PTPRM: variants seen among roughly 807,000 people sequenced by gnomAD.
The protein encoded by PTPRM is protein tyrosine phosphatase receptor type M, also known as receptor-type tyrosine-protein phosphatase mu.
PTPRM carries 47 observed loss-of-function variants against 186.7 expected under a neutral mutation model. The ratio of observed to expected loss-of-function variants is 0.25; its 90% CI spans 0.20 to 0.32. The LOEUF is 0.32. Ranked by LOEUF, PTPRM falls within the 10% of genes least tolerant of loss-of-function variation. The pLI, the probability that PTPRM is intolerant of heterozygous loss-of-function variation, is 1.00. For synonymous variants in PTPRM, 668 were observed against 674.9 expected, an observed-to-expected ratio of 0.99 and a Z score of 0.16; for missense variants, 1,494 against 1,865.0, an observed-to-expected ratio of 0.80 and a Z score of 3.66.
intron 7 of PTPRM, among the ~76,000 whole-genome samples, chr18:8,022,531 T>C (rs796982856): frequency 6.6e-6 from 1 of 152,198 alleles, no homozygotes; most frequent in South Asian, 2.1e-4. Context: ...TGAAGGGATC[T>C]CTGAAGATCA....
chr18:8,223,011 G>T (rs2094171856), intron 14 of PTPRM, among the ~76,000 whole-genome samples: 1 of 152,072 alleles, frequency 6.6e-6, no homozygotes, highest in African/African-American at 2.4e-5. Context: ...TCACCCTGAG[G>T]TCAGGAGTTC....
At chr18:8,260,388 T>C (rs962571154) in intron 19 of PTPRM, among the ~76,000 whole-genome samples, 14 of 152,068 alleles carry the variant, frequency 9.2e-5, no homozygotes, top group Non-Finnish European at 1.5e-5. Flanking sequence ...CGTCTTGAAC[T>C]CCTGGACTCA....
rs1433479777 is a variant in PTPRM at position 8,159,348 on chromosome 18, A to G, written c.2300+15569A>G. ...ATGTTCTTATCATTGTTATATTCAT[A>G]TGTGCCGTTTGCTTATGGCACTGCT... On this transcript the variant is annotated intron_variant, in intron 14 of 32. Coordinates refer to ENST00000580170, the MANE Select transcript of PTPRM (RefSeq NM_001105244.2). Among the ~76,000 whole-genome samples the G allele has an allele frequency of 2.0e-5, 3 of 152,208 alleles. No individual in the cohort carries two copies. The East Asian group carries it at 5.8e-4, about 29-fold the overall frequency.
chr18:7,691,135 C>A (rs1224599865), intron 1 of PTPRM, among the ~76,000 whole-genome samples: 1 of 151,644 alleles, frequency 6.6e-6, no homozygotes, highest in Non-Finnish European at 1.5e-5. Flanking sequence ...ATTTTTAAGA[C>A]CTTGCATTAT....
intron 14 of PTPRM, among the ~76,000 whole-genome samples, chr18:8,167,295 A>G (rs1428311344): frequency 1.3e-5 from 2 of 152,200 alleles, no homozygotes; most frequent in African/African-American, 2.4e-5. Context: ...CCTATCTGGT[A>G]CCACATGGCA....
chr18:8,245,376 G>A (rs2094468245), intron 15 of PTPRM, among the ~76,000 whole-genome samples: 1 of 152,028 alleles, frequency 6.6e-6, no homozygotes, highest in Non-Finnish European at 1.5e-5. Flanking sequence ...GTGCTGCTTT[G>A]GCACCAATGG....
intron 1 of PTPRM, among the ~76,000 whole-genome samples, chr18:7,593,801 T>G (rs2037185385): frequency 6.6e-6 from 1 of 152,220 alleles, no homozygotes; most frequent in South Asian, 2.1e-4. Context: ...TTTACAGATT[T>G]CAGCTTGCCT....
intron 1 of PTPRM, among the ~76,000 whole-genome samples, chr18:7,581,597 A>G (rs1020920417): frequency 6.6e-6 from 1 of 151,562 alleles, no homozygotes; most frequent in Admixed American, 6.6e-5. Flanking sequence ...ATTAGTTTCA[A>G]ATCTCATCAT....
chr18:7,910,056 T>C lies in PTPRM; in HGVS notation c.547+3473T>C, dbSNP rs1446287117. Among the ~76,000 whole-genome samples, 4 of 152,232 alleles carry C rather than the reference T, an allele frequency of 2.6e-5. No individual in the cohort carries two copies. In the East Asian group the frequency reaches 7.7e-4, roughly 29 times the overall value. On this transcript the variant is annotated intron_variant, in intron 4 of 32. Coordinates refer to ENST00000580170, the MANE Select transcript of PTPRM (RefSeq NM_001105244.2). The stretch of plus-strand genomic sequence containing the variant: ...ACATTATGAGCTGTGCATATATGGG[T>C]ATTTCTCTTATTACCTTCTGGTGCT...
chr18:7,664,732 C>G (rs776669077), intron 1 of PTPRM, among the ~76,000 whole-genome samples: 66 of 152,124 alleles, frequency 4.3e-4, no homozygotes, highest in Admixed American at 9.8e-4. Flanking sequence ...TGACATAACT[C>G]TTTTGTTGAG....
intron 23 of PTPRM, among the ~76,000 whole-genome samples, chr18:8,348,295 G>A (rs2095516318): frequency 6.6e-6 from 1 of 152,236 alleles, no homozygotes; most frequent in African/African-American, 2.4e-5. Flanking sequence ...GCATTAGGCG[G>A]CCCTAATTGC....
intron 14 of PTPRM, among the ~76,000 whole-genome samples, chr18:8,146,363 G>T (rs1056836632): frequency 6.6e-6 from 1 of 152,022 alleles, no homozygotes; most frequent in Admixed American, 6.6e-5. Context: ...GCATAATATG[G>T]TATCTCATTG....
At chr18:8,175,997 G>C (rs1601015708) in intron 14 of PTPRM, among the ~76,000 whole-genome samples, 1 of 152,306 alleles carries the variant, frequency 6.6e-6, no homozygotes, top group African/African-American at 2.4e-5. Context: ...AAGTGGTTCA[G>C]AAAGCAGCAT....
At chr18:8,192,733 A>G (rs1010746146) in intron 14 of PTPRM, among the ~76,000 whole-genome samples, 4 of 152,238 alleles carry the variant, frequency 2.6e-5, no homozygotes, top group Admixed American at 1.3e-4. Context: ...GGCCAATATA[A>G]GATCTAATAA....
chr18:8,163,207 AT>A (rs2093263600), intron 14 of PTPRM, among the ~76,000 whole-genome samples: 1 of 152,130 alleles, frequency 6.6e-6, no homozygotes, highest in Non-Finnish European at 1.5e-5. Context: ...ATTCATTTGA[AT>A]CTCCAAACAA....
In PTPRM at chr18:7,577,338, C is replaced by G. The variant is rs191003125; in HGVS notation, c.73+9447C>G. 6.6e-5 allele frequency among the ~76,000 whole-genome samples: 10 copies of G among 152,124 alleles called. No individual in the cohort carries two copies. In the East Asian group the frequency reaches 1.7e-3, roughly 26 times the overall value. Reference sequence around the variant, plus strand: ...AGTAGCATTTTGATATAATACTGATCACTAAAAAATGAAATTTACTATGCA... The same window carrying G: ...AGTAGCATTTTGATATAATACTGATGACTAAAAAATGAAATTTACTATGCA... On this transcript the variant is annotated intron_variant, in intron 1 of 32. Coordinates refer to ENST00000580170, the MANE Select transcript of PTPRM (RefSeq NM_001105244.2).
rs376568665 is a variant in PTPRM, at chr18:8,384,681, G to A, written c.4039G>A (p.Ala1347Thr). 23 of 1,613,948 alleles carry A rather than the reference G, an allele frequency of 1.4e-5. No individual in the cohort carries two copies. The highest frequency in any genetic ancestry group is 2.7e-5 in the African/African-American group (2 of 74,882). The change falls in exon 30 of 33, where the codon GCC becomes ACC. Residue 1347 changes from alanine (A) to threonine (T), a missense_variant. Transcript: ENST00000580170. ...CAGGATATTCCGCATTTACAATGCC[G>A]CCAGAGTAAGAGACGGGCCTGTCAT... ...ISRIFRIYNA[A>T]RPQDGYRMVQ... is the part of the protein sequence containing the mutation.
intron 14 of PTPRM, among the ~76,000 whole-genome samples, chr18:8,192,169 G>A (rs2093718775): frequency 6.6e-6 from 1 of 152,028 alleles, no homozygotes; most frequent in Non-Finnish European, 1.5e-5. Flanking sequence ...TAAAAGTAAG[G>A]AAAATCTCTG....
intron 23 of PTPRM, among the ~76,000 whole-genome samples, chr18:8,350,081 A>G (rs1261514442): frequency 6.6e-6 from 1 of 152,164 alleles, no homozygotes; most frequent in Non-Finnish European, 1.5e-5. Context: ...CTCCCTACCA[A>G]TAGGAGCTAC....
Sources: allele counts gnomAD v4.1 joint callset (sites outside exome capture counted in the v4.1 genomes callset), GRCh38; gene constraint gnomAD v4.1.1; transcripts MANE v1.5; gene names NCBI Gene and HGNC (gene_info 2026-07-23, HGNC 2026-07-21).